PKNOX2: variants seen among roughly 807,000 people sequenced by gnomAD.
PKNOX2 encodes PBX/knotted 1 homeobox 2, also known as homeobox protein PKNOX2.
Under a neutral mutation model 53.1 loss-of-function variants are expected in PKNOX2, and 14 were observed. The ratio of observed to expected loss-of-function variants is 0.26; its 90% confidence interval spans 0.17 to 0.41. The LOEUF (loss-of-function observed/expected upper bound fraction) is 0.41. PKNOX2 is among the 10% of genes least tolerant of loss of function. PKNOX2 has a pLI of 1.00. For synonymous variants in PKNOX2, 257 were observed against 242.8 expected (o/e 1.06, Z -0.54); for missense variants, 496 against 602.8 (o/e 0.82, Z 1.85).
intron 1 of PKNOX2, among the ~76,000 whole-genome samples, chr11:125,189,451 A>ATT (rs1956724490): frequency 1.5e-5 from 1 of 67,376 alleles, no homozygotes; most frequent in East Asian, 4.7e-4. Context: ...GTGTGTGTAT[A>ATT]TATATATATA....
intron 5 of PKNOX2, among the ~76,000 whole-genome samples, chr11:125,381,868 C>G (rs948806930): frequency 1.1e-4 from 16 of 152,204 alleles, no homozygotes; most frequent in Non-Finnish European, 2.1e-4. Flanking sequence ...TGCGTGACTA[C>G]GTCTCATCAT....
intron 2 of PKNOX2, among the ~76,000 whole-genome samples, chr11:125,266,423 A>G (rs1021841533): frequency 6.6e-6 from 1 of 152,112 alleles, no homozygotes; most frequent in African/African-American, 2.4e-5. Flanking sequence ...TGAACCTTTC[A>G]TCCTCCCCAC....
intron 2 of PKNOX2, among the ~76,000 whole-genome samples, chr11:125,305,245 C>A (rs1220360950): frequency 6.6e-6 from 1 of 152,192 alleles, no homozygotes; most frequent in Non-Finnish European, 1.5e-5. Context: ...GGAGTCACAA[C>A]CTCCGGAGTT....
chr11:125,201,016 G>A (rs1938372337), intron 1 of PKNOX2, among the ~76,000 whole-genome samples: 1 of 152,302 alleles, frequency 6.6e-6, no homozygotes, highest in Middle Eastern at 3.4e-3. Context: ...ACTTGATGGG[G>A]ATCCCTTAAT....
chr11:125,250,804 C>A (rs1197442468), intron 2 of PKNOX2, among the ~76,000 whole-genome samples: 1 of 152,244 alleles, frequency 6.6e-6, no homozygotes, highest in Non-Finnish European at 1.5e-5. Flanking sequence ...TCACAGTCTG[C>A]CTCCCTTATC....
chr11:125,390,172 C>A (rs545460615), intron 6 of PKNOX2, among the ~76,000 whole-genome samples: 2 of 152,190 alleles, frequency 1.3e-5, no homozygotes, highest in Non-Finnish European at 2.9e-5. Flanking sequence ...TACCAGGTGC[C>A]GGGTACCGTT....
At position 125,348,931 on chromosome 11, in the gene PKNOX2, G is replaced by A. The variant is rs114552691; in HGVS notation, c.-22-2353G>A. Among the ~76,000 whole-genome samples the A allele has an allele frequency of 6.2e-3, 948 of 152,162 alleles. 10 individuals are homozygous for A. Among genetic ancestry groups the A allele is most frequent in the African/African-American group, 0.021 (891 of 41,530 alleles). On this transcript the variant is annotated intron_variant, in intron 3 of 12. Coordinates refer to ENST00000298282, the MANE Select transcript of PKNOX2 (RefSeq NM_001382323.2). ...GGCTCCCACCCTGACTCTGCCCCCAGGCTCCCTCTTCTGGAGGCTGCAGGC... is the reference window on the plus strand; with the variant it reads ...GGCTCCCACCCTGACTCTGCCCCCAAGCTCCCTCTTCTGGAGGCTGCAGGC...
chr11:125,244,950 T>C (rs1215729257), intron 2 of PKNOX2, among the ~76,000 whole-genome samples: 1 of 152,032 alleles, frequency 6.6e-6, no homozygotes, highest in Non-Finnish European at 1.5e-5. Context: ...CCTGGTCTCA[T>C]GGGGGAGACT....
intron 2 of PKNOX2, among the ~76,000 whole-genome samples, chr11:125,245,387 C>A (rs1025521325): frequency 1.3e-5 from 2 of 152,228 alleles, no homozygotes; most frequent in African/African-American, 4.8e-5. Flanking sequence ...CTCAGAAAGG[C>A]CAAGCAACAC....
At chr11:125,336,700 A>G (rs1393452913) in intron 3 of PKNOX2, among the ~76,000 whole-genome samples, 1 of 147,622 alleles carries the variant, frequency 6.8e-6, no homozygotes, top group East Asian at 2.0e-4. Context: ...TTCTCTATAT[A>G]ATATAGTATA....
intron 2 of PKNOX2, among the ~76,000 whole-genome samples, chr11:125,317,725 AT>A (rs149308438): frequency 0.022 from 3,390 of 152,250 alleles, 127 homozygotes; most frequent in African/African-American, 0.075. Context: ...GGCAAAGCAG[AT>A]TTAGCATCAT....
chr11:125,427,045 A>G lies in PKNOX2; in HGVS notation c.937-1967A>G, dbSNP rs376409669. ...CCCTTGCACCTGGGAAGGCCAAAAAATCACCATATTTTTGCTGCTTTTTGT... is the reference window on the plus strand; with the variant it reads ...CCCTTGCACCTGGGAAGGCCAAAAAGTCACCATATTTTTGCTGCTTTTTGT... On this transcript the variant is annotated intron_variant, in intron 10 of 12. Transcript: ENST00000298282. 4.3e-4 allele frequency among the ~76,000 whole-genome samples: 66 copies of G among 152,288 alleles called. No homozygotes were observed. The South Asian group carries it at 8.3e-3, about 19-fold the overall frequency.
chr11:125,316,069 C>T (rs1365641158), intron 2 of PKNOX2, among the ~76,000 whole-genome samples: 1 of 152,152 alleles, frequency 6.6e-6, no homozygotes, highest in Non-Finnish European at 1.5e-5. Context: ...GGATGGAGGA[C>T]GGACCCAGGG....
At chr11:125,197,652 G>GAAA (rs1565466973) in intron 1 of PKNOX2, among the ~76,000 whole-genome samples, 116 of 152,086 alleles carry the variant, frequency 7.6e-4, no homozygotes, top group African/African-American at 2.6e-3. Context: ...CAAAGCAGAG[G>GAAA]AAAAACAACA....
In PKNOX2 at chr11:125,261,221, T is replaced by C. The variant is rs922486623; in HGVS notation, c.-130+26106T>C. ...GGAAAAGGGATGTTTGCTGTCAGGA[T>C]GGGATGTTGCTGCTTCCTGGAGTCA... On this transcript the variant is annotated intron_variant, in intron 2 of 12. Transcript: ENST00000298282. Among the ~76,000 whole-genome samples the C allele has an allele frequency of 5.3e-5, 8 of 152,124 alleles. No individual in the cohort carries two copies. In the South Asian group the frequency reaches 1.2e-3, roughly 24 times the overall value.
At chr11:125,242,472 CTG>C in intron 2 of PKNOX2, among the ~76,000 whole-genome samples, 1 of 152,266 alleles carries the variant, frequency 6.6e-6, no homozygotes, top group African/African-American at 2.4e-5. Context: ...ATGTACCTGC[CTG>C]TGTGTGTCTG....
intron 7 of PKNOX2, 25 bp from the exon 8 acceptor site, chr11:125,410,171 C>G (rs751729287): frequency 6.2e-7 from 1 of 1,612,406 alleles, no homozygotes. Context: ...GTCATTGTCA[C>G]AAACCACGCC....
At chr11:125,366,107 C>T (rs1190080177) in intron 4 of PKNOX2, among the ~76,000 whole-genome samples, 1 of 152,206 alleles carries the variant, frequency 6.6e-6, no homozygotes, top group African/African-American at 2.4e-5. Context: ...TTTCTTACAG[C>T]ACCTCCTTAA....
intron 2 of PKNOX2, among the ~76,000 whole-genome samples, chr11:125,317,715 G>A (rs1277987379): frequency 6.6e-6 from 1 of 151,726 alleles, no homozygotes; most frequent in Non-Finnish European, 1.5e-5. Flanking sequence ...ATAGAGTGCA[G>A]GCAAAGCAGA....
Sources: gnomAD v4.1 joint callset for allele counts (sites outside exome capture counted in the v4.1 genomes callset) on GRCh38, gnomAD v4.1.1 for gene constraint, MANE v1.5 for transcripts, NCBI Gene and HGNC (gene_info 2026-07-23, HGNC 2026-07-21) for gene names.